RAP1GAP2: variants seen among roughly 807,000 people sequenced by gnomAD.
RAP1GAP2 encodes rap1 GTPase-activating protein 2.
A neutral mutation model predicts 95.0 loss-of-function variants in RAP1GAP2; 27 were observed. The observed-to-expected ratio is 0.28, with a 90% CI of 0.21 to 0.39. The LOEUF is 0.39. Among genes scored for constraint, RAP1GAP2 ranks in the 10% least tolerant of loss-of-function variants. The probability of loss-of-function intolerance (pLI) is 1.00; values close to 1 mark genes in which losing one functional copy is unlikely to be tolerated. For missense variants in RAP1GAP2, 771 were observed against 970.0 expected (o/e 0.79, Z 2.72); for synonymous variants, 373 against 380.9 (o/e 0.98, Z 0.24).
At chr17:2,920,981 G>A (rs1422139976) in intron 3 of RAP1GAP2, among the ~76,000 whole-genome samples, 1 of 152,142 alleles carries the variant, frequency 6.6e-6, no homozygotes, top group Non-Finnish European at 1.5e-5. Context: ...GCTTCGTGAA[G>A]GGATGTCCCC....
intron 19 of RAP1GAP2, among the ~76,000 whole-genome samples, chr17:3,025,283 A>C (rs1175801679): frequency 1.3e-5 from 2 of 152,204 alleles, no homozygotes; most frequent in African/African-American, 4.8e-5. Context: ...AGGCTGAGGC[A>C]GGAGAATCAC....
chr17:2,905,610 C>T (rs1352993209), intron 3 of RAP1GAP2, among the ~76,000 whole-genome samples: 2 of 152,134 alleles, frequency 1.3e-5, no homozygotes, highest in Non-Finnish European at 2.9e-5. Context: ...TGGCAGGACT[C>T]TTGGTAATTG....
chr17:2,891,814 CTTTTTTTTTTT>C lies in RAP1GAP2; in HGVS notation c.81-13454_81-13444del, dbSNP rs917540694. Among the ~76,000 whole-genome samples, 6 of 54,290 alleles carry C rather than the reference CTTTTTTTTTTT, an allele frequency of 1.1e-4. No homozygotes were observed. In the East Asian group the frequency reaches 2.3e-3, roughly 21 times the overall value. The allele number at this position is 54,290 out of a possible 152,430, so 35.6% of individuals were successfully genotyped here. On this transcript the variant is annotated intron_variant, in intron 2 of 24. Coordinates refer to ENST00000254695, the MANE Select transcript of RAP1GAP2 (RefSeq NM_015085.5). The stretch of plus-strand genomic sequence containing the variant: ...TGATATGCAGATTCATATTTCTTTT[CTTTTTTTTTTT>C]TTTTTTTTTTTTTTTGAGACAGAGT...
At chr17:2,755,802 G>A (rs1481857425) in intron 1 of RAP1GAP2, 1 of 352,384 alleles carries the variant, frequency 2.8e-6, no homozygotes, top group African/African-American at 2.1e-5. Flanking sequence ...GGCCTAATGC[G>A]GGAGCGAACC....
rs1323374294 is a variant in RAP1GAP2 at position 2,811,832 on chromosome 17, G to C, written c.80+11282G>C. 2.0e-5 allele frequency among the ~76,000 whole-genome samples: 3 copies of C among 152,128 alleles called. No individual in the cohort carries two copies. The East Asian group carries it at 5.8e-4, about 29-fold the overall frequency. On this transcript the variant is annotated intron_variant, in intron 2 of 24. Coordinates refer to ENST00000254695, the MANE Select transcript of RAP1GAP2 (RefSeq NM_015085.5). Reference sequence around the variant, plus strand: ...GACCTCAGGTGATCCGCCCACCTCTGCTTCCTAAAGTGCTGGGATTACAGG... The same window carrying C: ...GACCTCAGGTGATCCGCCCACCTCTCCTTCCTAAAGTGCTGGGATTACAGG...
chr17:2,865,042 G>A (rs1029151652), intron 2 of RAP1GAP2, among the ~76,000 whole-genome samples: 1 of 152,180 alleles, frequency 6.6e-6, no homozygotes, highest in Non-Finnish European at 1.5e-5. Flanking sequence ...GAAAGCTGAG[G>A]TTCAAAAGGG....
intron 2 of RAP1GAP2, among the ~76,000 whole-genome samples, chr17:2,891,488 G>C (rs1878720009): frequency 6.6e-6 from 1 of 151,296 alleles, no homozygotes; most frequent in Admixed American, 6.6e-5. Flanking sequence ...TTAATAGATG[G>C]CCCCTCCCTA....
intron 3 of RAP1GAP2, among the ~76,000 whole-genome samples, chr17:2,918,142 G>C (rs1332920431): frequency 6.6e-6 from 1 of 151,962 alleles, no homozygotes; most frequent in Non-Finnish European, 1.5e-5. Flanking sequence ...AATTTATAAA[G>C]AAAGGAGGTT....
intron 10 of RAP1GAP2, among the ~76,000 whole-genome samples, chr17:2,984,479 ATTGTATTAGGGTATGT>A (rs992531106): frequency 9.9e-5 from 15 of 152,134 alleles, no homozygotes; most frequent in Admixed American, 5.2e-4. Flanking sequence ...CTCTTTGCAT[ATTGTATTAGGGTATGT>A]TCCTCCTTAG....
chr17:2,950,213 C>G (rs2043868780), intron 3 of RAP1GAP2, among the ~76,000 whole-genome samples: 1 of 152,120 alleles, frequency 6.6e-6, no homozygotes, highest in South Asian at 2.1e-4. Context: ...GCCACCATGC[C>G]TGGCTAAGTT....
Position 2,796,456 on chromosome 17 carries a change from C to T in RAP1GAP2, c.-72C>T. Reference sequence around the variant, plus strand: ...CACCGGCACTGACCCCGCTGTACCACGGCCCTCTTGCGGACAGCCCCGGGG... The same window carrying T: ...CACCGGCACTGACCCCGCTGTACCATGGCCCTCTTGCGGACAGCCCCGGGG... On this transcript the variant is annotated 5_prime_UTR_variant, in exon 1 of 25. It adds an upstream start codon to the 5' untranslated region. Transcript: ENST00000254695. This position sits in a 1 kb window ranked among gnomAD's most constrained non-coding sequence, Gnocchi z 4.7. 21 of 1,514,802 alleles carry T rather than the reference C, an allele frequency of 1.4e-5. No homozygotes were observed. The highest frequency in any genetic ancestry group is 1.9e-5 in the Non-Finnish European group (21 of 1,115,166). The allele number at this position is 1,514,802 out of a possible 1,614,324, so 93.8% of individuals were successfully genotyped here.
intron 2 of RAP1GAP2, among the ~76,000 whole-genome samples, chr17:2,839,418 C>T (rs113446353): frequency 9.9e-5 from 15 of 152,256 alleles, no homozygotes; most frequent in South Asian, 4.1e-4. Context: ...TACATTAGTA[C>T]GATCCATTTG....
chr17:2,899,385 T>TG (rs1245013721), intron 2 of RAP1GAP2, among the ~76,000 whole-genome samples: 1 of 151,714 alleles, frequency 6.6e-6, no homozygotes, highest in Non-Finnish European at 1.5e-5. Context: ...TTTTTAAATA[T>TG]TTTTTTTAGT....
At chr17:2,776,595 G>T (rs2068504572), upstream of RAP1GAP2, among the ~76,000 whole-genome samples, 1 of 151,928 alleles carries the variant, frequency 6.6e-6, no homozygotes, top group African/African-American at 2.4e-5. Context: ...GCAGGCAGCG[G>T]CACAGGGACC....
intron 1 of RAP1GAP2, among the ~76,000 whole-genome samples, chr17:2,766,790 T>G (rs2151760857): frequency 6.6e-6 from 1 of 152,296 alleles, no homozygotes; most frequent in East Asian, 1.9e-4. Flanking sequence ...AACTGAGAGA[T>G]ACATTTCTGT....
At chr17:2,924,216 G>GT (rs2042881495) in intron 3 of RAP1GAP2, among the ~76,000 whole-genome samples, 1 of 152,232 alleles carries the variant, frequency 6.6e-6, no homozygotes, top group Non-Finnish European at 1.5e-5. Context: ...AACTTTGAGA[G>GT]TGCTCCTTTT....
At chr17:2,944,582 G>C (rs777705348) in intron 3 of RAP1GAP2, among the ~76,000 whole-genome samples, 2 of 152,124 alleles carry the variant, frequency 1.3e-5, no homozygotes, top group Non-Finnish European at 2.9e-5. Context: ...CTCCACCTTT[G>C]ACCTTCCTCT....
In RAP1GAP2 at chr17:2,866,989, C is replaced by T. The variant is rs889475795; in HGVS notation, c.81-38295C>T. ...AATCTCGGCTCACTGCAACCTCCAC[C>T]TCTCAGGTTCGAATGATTCTTCTGC... is the stretch of plus-strand genomic sequence containing the variant. On this transcript the variant is annotated intron_variant, in intron 2 of 24. Coordinates refer to ENST00000254695, the MANE Select transcript of RAP1GAP2 (RefSeq NM_015085.5). The surrounding 1 kb of genome is among the most constrained non-coding windows in gnomAD (Gnocchi z 4.0). Among the ~76,000 whole-genome samples, 2 of 152,180 alleles carry T rather than the reference C, an allele frequency of 1.3e-5. No individual in the cohort carries two copies. The highest frequency in any genetic ancestry group is 1.9e-4 in the East Asian group (1 of 5,196).
intron 2 of RAP1GAP2, among the ~76,000 whole-genome samples, chr17:2,815,595 T>C (rs1209281451): frequency 6.6e-6 from 1 of 151,754 alleles, no homozygotes; most frequent in Admixed American, 6.6e-5. Context: ...GATTCTCCTG[T>C]CTCAGCCTCT....
Sources: gnomAD v4.1 joint callset for allele counts (sites outside exome capture counted in the v4.1 genomes callset) on GRCh38, gnomAD v4.1.1 for gene constraint, Gnocchi (gnomAD v3.1) non-coding constraint, MANE v1.5 for transcripts, NCBI Gene and HGNC (gene_info 2026-07-23, HGNC 2026-07-21) for gene names.